The following LRP10 variants were observed in gnomAD, a reference collection of about 807,000 sequenced individuals.
LRP10 encodes the protein low-density lipoprotein receptor-related protein 10.
A neutral mutation model predicts 58.5 loss-of-function variants in LRP10; 42 were observed. The ratio of observed to expected loss-of-function variants is 0.72; its 90% CI spans 0.56 to 0.93. LRP10 has a LOEUF of 0.93. Among genes scored for constraint, LRP10 ranks in the 40% least tolerant of loss-of-function variants. The probability of loss-of-function intolerance (pLI) is 0.00; values close to 1 mark genes in which losing one functional copy is unlikely to be tolerated. For synonymous variants in LRP10, 377 were observed against 388.5 expected, an observed-to-expected ratio of 0.97 and a Z score of 0.35; for missense variants, 872 against 940.1, an observed-to-expected ratio of 0.93 and a Z score of 0.95.
chr14:22,877,411 C>T lies in LRP10; in HGVS notation c.2026C>T (p.Pro676Ser). The T allele has an allele frequency of 6.2e-7, 1 of 1,613,856 alleles. No individual in the cohort carries two copies. Among genetic ancestry groups the T allele is most frequent in the Non-Finnish European group, 8.5e-7 (1 of 1,179,914 alleles). ...GCCCCCAGGACCAACCCGGAGCCCC[C>T]CTGGACCCCACACAGCAGTCCTGGC... is the stretch of plus-strand genomic sequence containing the variant. ...LGPPGPTRSP[P>S]GPHTAVLALE... Residue 676 changes from proline to serine, a missense_variant, in exon 7 of 7, where the codon CCT (proline) becomes TCT (serine). Coordinates refer to ENST00000359591, the MANE Select transcript of LRP10 (RefSeq NM_014045.5). This position sits in a 1 kb window ranked among gnomAD's most constrained non-coding sequence, Gnocchi z 5.1.
rs1253237461 is a variant in LRP10 at position 22,877,572 on chromosome 14, C to T, written c.*45C>T. 4 of 1,406,492 alleles carry T rather than the reference C, an allele frequency of 2.8e-6. No homozygotes were observed. The African/African-American group carries it at 5.8e-5, about 20-fold the overall frequency. 87.1% of individuals were successfully genotyped at this position (1,406,492 alleles called of 1,614,324 possible). ...TGAGGCCTCTCCCCTGGGGGCTCTA[C>T]TCATAGTGGCACAACCTTTTAGAGG... On this transcript the variant is annotated 3_prime_UTR_variant, in exon 7 of 7. Transcript: ENST00000359591. The surrounding 1 kb of genome is among the most constrained non-coding windows in gnomAD (Gnocchi z 5.1).
In LRP10 at chr14:22,877,783, C is replaced by A; in HGVS notation, c.*256C>A. On this transcript the variant is annotated 3_prime_UTR_variant, in exon 7 of 7. Transcript: ENST00000359591. The surrounding 1 kb of genome is among the most constrained non-coding windows in gnomAD (Gnocchi z 5.1). The stretch of plus-strand genomic sequence containing the variant: ...CAGTCCCTTCACCACCACCTGCTCC[C>A]CACGCCACCACCATTTGGGTGGCTG... 8 of 392,384 alleles carry A rather than the reference C, an allele frequency of 2.0e-5. No individual in the cohort carries two copies. Among genetic ancestry groups the A allele is most frequent in the Non-Finnish European group, 3.6e-5 (8 of 221,414 alleles). The allele number at this position is 392,384 out of a possible 1,614,324, so 24.3% of individuals were successfully genotyped here.
Position 22,875,371 on chromosome 14 carries a change from G to T in LRP10, c.423G>T (p.Leu141=), listed in dbSNP as rs773210630. 1.2e-6 allele frequency: 2 copies of T among 1,612,056 alleles called. No individual in the cohort carries two copies. ...LSYSQDWLMC[L]QEEFQCLNHR... ...CCTCTGCAGATTGGCTGATGTGCCTGCAGGAAGAGTTTCAGTGCCTGAACC... is the reference window on the plus strand; with the variant it reads ...CCTCTGCAGATTGGCTGATGTGCCTTCAGGAAGAGTTTCAGTGCCTGAACC... The change falls in exon 5 of 7, where the codon CTG becomes CTT. Residue 141 remains leucine, a synonymous_variant. Transcript: ENST00000359591.
rs2039969321 is a variant in LRP10 at position 22,872,749 on chromosome 14, G to A, written c.46G>A (p.Ala16Thr). Residue 16 changes from alanine to threonine, a missense_variant, in exon 2 of 7, where the codon GCC becomes ACC. By Grantham distance (58) the Ala-to-Thr change is moderately conservative. Transcript: ENST00000359591. ...LLLLLLGGAL[A>T]HPDRIIFPNH... ...CGTTCCTCCTCTAGGAGGCGCTCTG[G>A]CCCATCCAGACCGGATTATTTTTCC... The A allele has an allele frequency of 6.2e-7, 1 of 1,614,030 alleles. No individual in the cohort carries two copies. The highest frequency in any genetic ancestry group is 1.7e-5 in the Admixed American group (1 of 59,992).
chr14:22,875,164 G>C lies in LRP10; in HGVS notation c.325G>C (p.Gly109Arg), dbSNP rs151086347. 1.2e-6 allele frequency: 2 copies of C among 1,613,124 alleles called. No individual in the cohort carries two copies. The highest frequency in any genetic ancestry group is 2.2e-5 in the South Asian group (2 of 90,898). ...EAPPSPLQLPGGNVTITYSYA... is the reference protein window; with the variant it reads ...EAPPSPLQLPRGNVTITYSYA... ...ACCTCCCAGCCCTCTGCAGCTGCCC[G>C]GGGGCAACGTCACCATCACTTACAG... The change falls in exon 4 of 7, where the codon GGG becomes CGG. Residue 109 changes from glycine to arginine, a missense_variant. Physicochemically the swap from Gly to Arg is moderately radical, Grantham distance 125. Coordinates refer to ENST00000359591, the MANE Select transcript of LRP10 (RefSeq NM_014045.5).
Position 22,872,232 on chromosome 14 carries a change from G to C in LRP10, c.-72G>C. 2 of 1,558,046 alleles carry C rather than the reference G, an allele frequency of 1.3e-6. No homozygotes were observed. The highest frequency in any genetic ancestry group is 1.8e-6 in the Non-Finnish European group (2 of 1,129,222). On this transcript the variant is annotated 5_prime_UTR_variant, in exon 1 of 7. Coordinates refer to ENST00000359591, the MANE Select transcript of LRP10 (RefSeq NM_014045.5). ...GGCACCAGGGAGCCTGGGCGCCCGGGGCTCCGCCGCGACCCCATCGGGTAG... is the reference window on the plus strand; with the variant it reads ...GGCACCAGGGAGCCTGGGCGCCCGGCGCTCCGCCGCGACCCCATCGGGTAG...
rs570740262 is a variant in LRP10, at chr14:22,876,560, C to A, written c.1425-129C>A. 12 of 1,405,568 alleles carry A rather than the reference C, an allele frequency of 8.5e-6. No homozygotes were observed. The South Asian group carries it at 1.3e-4, about 15-fold the overall frequency. 87.1% of individuals were successfully genotyped at this position (1,405,568 alleles called of 1,614,324 possible). On this transcript the variant is annotated intron_variant, in intron 5 of 6. Coordinates refer to ENST00000359591, the MANE Select transcript of LRP10 (RefSeq NM_014045.5). ...TCAAGGGAGGAGGGACCTCAGATGACCTTTGGGAAAGCCATGGCACAGCTC... is the reference window on the plus strand; with the variant it reads ...TCAAGGGAGGAGGGACCTCAGATGAACTTTGGGAAAGCCATGGCACAGCTC...
Position 22,875,036 on chromosome 14 carries a change from C to A in LRP10, c.216-19C>A. The A allele has an allele frequency of 6.6e-7, 1 of 1,504,430 alleles. No homozygotes were observed. Among genetic ancestry groups the A allele is most frequent in the Non-Finnish European group, 8.9e-7 (1 of 1,121,574 alleles). The allele number at this position is 1,504,430 out of a possible 1,614,324, so 93.2% of individuals were successfully genotyped here. ...GCAGTCAAGAGTATCTCATGTCCTG[C>A]TCTCCTCTACTCCCATAGGTTCCAG... On this transcript the variant is annotated intron_variant, in intron 3 of 6. Transcript: ENST00000359591.
Position 22,872,743 on chromosome 14 carries a change from G to A in LRP10, c.40G>A (p.Ala14Thr), listed in dbSNP as rs778055968. The A allele has an allele frequency of 2.7e-5, 43 of 1,614,024 alleles. No homozygotes were observed. In the South Asian group the frequency reaches 4.0e-4, roughly 15 times the overall value. ...CTTTCTCGTTCCTCCTCTAGGAGGC[G>A]CTCTGGCCCATCCAGACCGGATTAT... ...ATLLLLLLGG[A>T]LAHPDRIIFP... The change falls in exon 2 of 7, where the codon GCT becomes ACT. Residue 14 changes from alanine (A) to threonine (T), a missense_variant. Coordinates refer to ENST00000359591, the MANE Select transcript of LRP10 (RefSeq NM_014045.5).
rs1026290721 is a variant in LRP10, at chr14:22,876,082, T to C, written c.1134T>C (p.Ala378=). 1 of 1,614,008 alleles carries C rather than the reference T, an allele frequency of 6.2e-7. No homozygotes were observed. The highest frequency in any genetic ancestry group is 1.7e-4 in the Middle Eastern group (1 of 6,060). ...GTGCCACAGCCTGCTACCTGCCTGCTGACCGCTGCAACTACCAGACTTTCT... is the reference window on the plus strand; with the variant it reads ...GTGCCACAGCCTGCTACCTGCCTGCCGACCGCTGCAACTACCAGACTTTCT... ...TSGATACYLP[A]DRCNYQTFCA... is the part of the protein sequence containing the mutation. Residue 378 remains alanine (A), a synonymous_variant, in exon 5 of 7, where the codon GCT becomes GCC. Coordinates refer to ENST00000359591, the MANE Select transcript of LRP10 (RefSeq NM_014045.5).
chr14:22,873,524 T>C (rs2039976610), intron 3 of LRP10, 78 bp downstream of exon 3: 3 of 1,448,012 alleles, frequency 2.1e-6, no homozygotes, highest in African/African-American at 1.5e-5. Context: ...CAGGGATCAC[T>C]TCTTTTTTTT....
rs745920610 is a variant in LRP10, at chr14:22,875,353, A to C, written c.407-2A>C. 1 of 1,609,968 alleles carries C rather than the reference A, an allele frequency of 6.2e-7. No homozygotes were observed. The highest frequency in any genetic ancestry group is 1.3e-5 in the African/African-American group (1 of 74,996). On this transcript the variant is annotated splice_acceptor_variant, in intron 4 of 6. Coordinates refer to ENST00000359591, the MANE Select transcript of LRP10 (RefSeq NM_014045.5). LOFTEE classifies it high-confidence loss of function. ...CAGCCCCTCTCCATGGTGCCTCTGC[A>C]GATTGGCTGATGTGCCTGCAGGAAG...
In LRP10 at chr14:22,876,216, A is replaced by G. The variant is rs1233369208; in HGVS notation, c.1268A>G (p.Asp423Gly). 1 of 1,614,222 alleles carries G rather than the reference A, an allele frequency of 6.2e-7. No homozygotes were observed. The highest frequency in any genetic ancestry group is 1.7e-5 in the Admixed American group (1 of 60,026). ...YETWVCDGQP[D>G]CADGSDEWDC... ...ACGTGGGTGTGCGATGGGCAGCCAG[A>G]CTGTGCGGACGGCAGTGATGAGTGG... The change falls in exon 5 of 7, where the codon GAC becomes GGC. Residue 423 changes from aspartate to glycine, a missense_variant. Transcript: ENST00000359591.
At position 22,877,756 on chromosome 14, in the gene LRP10, C is replaced by T. The variant is rs1450329902; in HGVS notation, c.*229C>T. The T allele has an allele frequency of 4.6e-6, 2 of 438,210 alleles. No homozygotes were observed. The highest frequency in any genetic ancestry group is 5.6e-5 in the South Asian group (1 of 17,720). The allele number at this position is 438,210 out of a possible 1,614,324, so 27.1% of individuals were successfully genotyped here. ...TCTGTACGTGGCCATGGCCAGACAC[C>T]CCAGTCCCTTCACCACCACCTGCTC... is the stretch of plus-strand genomic sequence containing the variant. On this transcript the variant is annotated 3_prime_UTR_variant, in exon 7 of 7. Coordinates refer to ENST00000359591, the MANE Select transcript of LRP10 (RefSeq NM_014045.5). This position sits in a 1 kb window ranked among gnomAD's most constrained non-coding sequence, Gnocchi z 5.1.
chr14:22,877,636 T>G lies in LRP10; in HGVS notation c.*109T>G. On this transcript the variant is annotated 3_prime_UTR_variant, in exon 7 of 7. Transcript: ENST00000359591. The surrounding 1 kb of genome is among the most constrained non-coding windows in gnomAD (Gnocchi z 5.1). ...CCTCCACCACTTCCTTCCCTGTCCC[T>G]GGATTTCAGGGACTTGGTGGGCCTC... 1.2e-6 allele frequency: 1 copy of G among 825,906 alleles called. No homozygotes were observed. Among genetic ancestry groups the G allele is most frequent in the Non-Finnish European group, 1.8e-6 (1 of 550,296 alleles). 51.2% of individuals were successfully genotyped at this position (825,906 alleles called of 1,614,324 possible). A position where few individuals can be genotyped will look rare whatever the true frequency, so the allele number is the denominator to read the frequency against.
In LRP10 at chr14:22,876,867, T is replaced by C. The variant is rs1465870567; in HGVS notation, c.1554+49T>C. On this transcript the variant is annotated intron_variant, in intron 6 of 6. Transcript: ENST00000359591. ...GCACCTCCTGGTCCCAGTTCTGCTGTGGCCCCGCCCCTGTACCCTCCTTCA... is the reference window on the plus strand; with the variant it reads ...GCACCTCCTGGTCCCAGTTCTGCTGCGGCCCCGCCCCTGTACCCTCCTTCA... 2.5e-6 allele frequency: 4 copies of C among 1,604,266 alleles called. 1 individual carries two copies. Among genetic ancestry groups the C allele is most frequent in the South Asian group, 2.2e-5 (2 of 90,098 alleles).
rs1185893950 is a variant in LRP10, at chr14:22,875,826, G to A, written c.878G>A (p.Ser293Asn). The A allele has an allele frequency of 6.2e-7, 1 of 1,614,150 alleles. No individual in the cohort carries two copies. The highest frequency in any genetic ancestry group is 1.7e-5 in the Admixed American group (1 of 60,028). The change falls in exon 5 of 7, where the codon AGC (serine) becomes AAC (asparagine). Residue 293 changes from serine to asparagine, a missense_variant. By Grantham distance (46) the Ser-to-Asn change is conservative (BLOSUM62 1). Coordinates refer to ENST00000359591, the MANE Select transcript of LRP10 (RefSeq NM_014045.5). ...GTGTCCTACCACACAGTTGCTTGGA[G>A]CAATGGTCGTGGCTTCAATGCCACC... Reference protein sequence around the residue: ...AVVSYHTVAWSNGRGFNATYH... With the variant: ...AVVSYHTVAWNNGRGFNATYH...
chr14:22,872,192 C>A lies in LRP10; in HGVS notation c.-112C>A, dbSNP rs2039961117. On this transcript the variant is annotated 5_prime_UTR_variant, in exon 1 of 7. Transcript: ENST00000359591. ...TACGGGTCGAGCCCGGGCCATGGAG[C>A]CCCCCTGGGGAGGCGGCACCAGGGA... is the stretch of plus-strand genomic sequence containing the variant. 2 of 1,110,510 alleles carry A rather than the reference C, an allele frequency of 1.8e-6. No homozygotes were observed. The highest frequency in any genetic ancestry group is 2.4e-5 in the East Asian group (1 of 42,324). The allele number at this position is 1,110,510 out of a possible 1,614,324, so 68.8% of individuals were successfully genotyped here.
At chr14:22,872,478 AC>A (rs953701907) in intron 1 of LRP10, 141 bp downstream of exon 1, 1 of 1,000,346 alleles carries the variant, frequency 1.0e-6, no homozygotes, top group Non-Finnish European at 1.5e-6. Flanking sequence ...GCCGGCCCCA[AC>A]CCCCAGGAAG....
Sources: allele counts gnomAD v4.1 joint callset, GRCh38; gene constraint gnomAD v4.1.1; non-coding constraint Gnocchi (gnomAD v3.1); transcripts MANE v1.5; gene names NCBI Gene and HGNC (gene_info 2026-07-23, HGNC 2026-07-21).